The following SKA2 variants were observed in gnomAD, a reference collection of about 807,000 sequenced individuals.
SKA2 encodes spindle and kinetochore-associated protein 2.
In SKA2, 13 loss-of-function variants were observed where a neutral mutation model predicts 16.9. That is an observed-to-expected ratio of 0.77 (90% CI 0.50 to 1.22). The LOEUF is 1.22. Ranked by LOEUF, SKA2 falls within the 50% of genes most tolerant of loss-of-function variation. The pLI, the probability that SKA2 is intolerant of heterozygous loss-of-function variation, is 0.00. For synonymous variants in SKA2, 47 were observed against 48.5 expected (o/e 0.97, Z 0.13); for missense variants, 107 against 139.7 (o/e 0.77, Z 1.18).
At chr17:59,145,233 T>TA (rs1319427581) in intron 1 of SKA2, among the ~76,000 whole-genome samples, 4 of 152,058 alleles carry the variant, frequency 2.6e-5, no homozygotes, top group Non-Finnish European at 5.9e-5. Flanking sequence ...TTTAACACAA[T>TA]AAAAAAATAG....
intron 1 of SKA2, among the ~76,000 whole-genome samples, chr17:59,146,226 G>C (rs750642937): frequency 1.3e-5 from 2 of 152,020 alleles, no homozygotes; most frequent in Non-Finnish European, 2.9e-5. Flanking sequence ...CACCAGGCTC[G>C]GTGGCTCATG....
chr17:59,152,748 G>C (rs1377042389), intron 1 of SKA2, among the ~76,000 whole-genome samples: 1 of 151,440 alleles, frequency 6.6e-6, no homozygotes, highest in Non-Finnish European at 1.5e-5. Context: ...CTGAAGATGA[G>C]ATGCACTGTC....
intron 1 of SKA2, among the ~76,000 whole-genome samples, chr17:59,137,563 T>G (rs1465333607): frequency 1.3e-5 from 2 of 152,180 alleles, no homozygotes; most frequent in Non-Finnish European, 2.9e-5. Context: ...GAATCTAAGA[T>G]CCTTTTCAAT....
intron 1 of SKA2, among the ~76,000 whole-genome samples, chr17:59,137,327 C>T (rs1351732942): frequency 3.3e-5 from 5 of 152,196 alleles, no homozygotes; most frequent in African/African-American, 4.8e-5. Context: ...CAAAAATGTA[C>T]ATTCTTCACC....
At chr17:59,151,185 A>T (rs770536611) in intron 1 of SKA2, 1 of 513,204 alleles carries the variant, frequency 1.9e-6, no homozygotes. Flanking sequence ...GCTGTAAAGT[A>T]CAGTAGTGCA....
intron 1 of SKA2, among the ~76,000 whole-genome samples, chr17:59,152,006 C>T (rs1195949558): frequency 6.6e-6 from 1 of 152,098 alleles, no homozygotes; most frequent in Admixed American, 6.6e-5. Context: ...ATTTAAGTAA[C>T]AAGTTTCCTT....
At position 59,123,035 on chromosome 17, in the gene SKA2, A is replaced by G. The variant is rs111908765; in HGVS notation, c.121-3540T>C. ...AAACCTTGTCTCAAAAAAAAAAAAA[A>G]AAAAGAAAAGAAAAGAAAAGAAAAA... On this transcript the variant is annotated intron_variant, in intron 2 of 3. Transcript: ENST00000330137. 3.4e-4 allele frequency among the ~76,000 whole-genome samples: 51 copies of G among 150,176 alleles called. No individual in the cohort carries two copies. The East Asian group carries it at 4.1e-3, about 12-fold the overall frequency.
At chr17:59,144,576 C>T (rs1397667852) in intron 1 of SKA2, among the ~76,000 whole-genome samples, 2 of 152,036 alleles carry the variant, frequency 1.3e-5, no homozygotes, top group South Asian at 2.1e-4. Context: ...AATCTTATTC[C>T]GCCTTAAAAA....
chr17:59,150,154 G>A (rs1366307664), intron 1 of SKA2, among the ~76,000 whole-genome samples: 1 of 152,218 alleles, frequency 6.6e-6, no homozygotes, highest in Non-Finnish European at 1.5e-5. Flanking sequence ...CTACTCAGGA[G>A]GCTGAAGTGG....
At chr17:59,114,490 C>G (rs1395580780) in intron 3 of SKA2, among the ~76,000 whole-genome samples, 2 of 152,156 alleles carry the variant, frequency 1.3e-5, no homozygotes, top group African/African-American at 2.4e-5. Flanking sequence ...GCAGTGGTAA[C>G]ACATGGTATT....
intron 1 of SKA2, among the ~76,000 whole-genome samples, chr17:59,138,381 A>G (rs866127033): frequency 6.6e-6 from 1 of 151,606 alleles, no homozygotes; most frequent in Non-Finnish European, 1.5e-5. Context: ...TGGATTTTGG[A>G]GCATTTCAGA....
At chr17:59,124,593 A>C (rs185618569) in intron 2 of SKA2, among the ~76,000 whole-genome samples, 1 of 152,308 alleles carries the variant, frequency 6.6e-6, no homozygotes, top group East Asian at 1.9e-4. Context: ...GCATGTATTA[A>C]TATAACTCAG....
intron 2 of SKA2, among the ~76,000 whole-genome samples, chr17:59,130,078 AGAAAG>A (rs998230469): frequency 5.9e-5 from 9 of 152,008 alleles, no homozygotes; most frequent in Admixed American, 3.3e-4. Flanking sequence ...AAGAAAAAAG[AGAAAG>A]GAAAGAAAGA....
chr17:59,115,114 C>T (rs898483485), intron 3 of SKA2, among the ~76,000 whole-genome samples: 6 of 147,742 alleles, frequency 4.1e-5, no homozygotes, highest in South Asian at 2.1e-4. Flanking sequence ...CAGGCTGGAG[C>T]GCAATCTCAG....
intron 1 of SKA2, among the ~76,000 whole-genome samples, chr17:59,144,881 C>T (rs2046520206): frequency 6.6e-6 from 1 of 152,158 alleles, no homozygotes; most frequent in Non-Finnish European, 1.5e-5. Flanking sequence ...GCTGCATCCT[C>T]CACCTCCCGG....
chr17:59,133,447 C>G (rs367804160), intron 1 of SKA2, among the ~76,000 whole-genome samples: 1 of 152,220 alleles, frequency 6.6e-6, no homozygotes, highest in Admixed American at 6.5e-5. Flanking sequence ...ATTCCTATCC[C>G]AAAACATAGG....
At chr17:59,133,859 G>GT (rs2046426731) in intron 1 of SKA2, among the ~76,000 whole-genome samples, 1 of 152,100 alleles carries the variant, frequency 6.6e-6, no homozygotes, top group Non-Finnish European at 1.5e-5. Flanking sequence ...GAAGGTTTTT[G>GT]TTTTTAAACA....
chr17:59,131,150 C>A lies in SKA2; in HGVS notation c.120+131G>T, dbSNP rs2046409162. 9 of 612,682 alleles carry A rather than the reference C, an allele frequency of 1.5e-5. No individual in the cohort carries two copies. The South Asian group carries it at 1.7e-4, about 12-fold the overall frequency. The allele number at this position is 612,682 out of a possible 1,614,324, so 38.0% of individuals were successfully genotyped here. ...CTATAACCAAACTTCCAACACAATG[C>A]AAGATTTTAAGATTCTATAAACTTA... On this transcript the variant is annotated intron_variant, in intron 2 of 3. Transcript: ENST00000330137.
chr17:59,154,919 C>T, intron 1 of SKA2: 1 of 1,607,204 alleles, frequency 6.2e-7, no homozygotes, highest in African/African-American at 1.3e-5. Flanking sequence ...CATCTCCCGC[C>T]ATTTCCCTGA....
Sources: allele counts gnomAD v4.1 joint callset (sites outside exome capture counted in the v4.1 genomes callset), GRCh38; gene constraint gnomAD v4.1.1; transcripts MANE v1.5; gene names NCBI Gene and HGNC (gene_info 2026-07-23, HGNC 2026-07-21).